The following FHDC1 variants were observed in gnomAD, a reference collection of about 807,000 sequenced individuals.
The protein encoded by FHDC1 is FH2 domain containing 1.
Under a neutral mutation model 52.6 loss-of-function variants are expected in FHDC1, and 25 were observed. The observed-to-expected ratio is 0.48, with a 90% CI of 0.35 to 0.66. The LOEUF (loss-of-function observed/expected upper bound fraction) is 0.66. FHDC1 is among the 30% of genes least tolerant of loss of function. The pLI, the probability that FHDC1 is intolerant of heterozygous loss-of-function variation, is 0.01. For synonymous variants in FHDC1, 616 were observed against 581.5 expected, an observed-to-expected ratio of 1.06 and a Z score of -0.85; for missense variants, 1,459 against 1,452.8, an observed-to-expected ratio of 1.00 and a Z score of -0.07.
the FHDC1 span, among the ~76,000 whole-genome samples, chr4:152,922,664 C>A: frequency 2.6e-5 from 4 of 152,152 alleles, no homozygotes; most frequent in African/African-American, 9.7e-5. Flanking sequence ...CCACCATGAT[C>A]AAGTGGGCCT....
chr4:152,974,543 C>T (rs1740777059), intron 11 of FHDC1, 132 bp from the exon 12 acceptor site: 2 of 1,345,256 alleles, frequency 1.5e-6, no homozygotes, highest in Admixed American at 2.7e-5. Flanking sequence ...CAGCCTCTTT[C>T]TCAGTGTAAG....
At chr4:152,927,826 G>T in the FHDC1 span, 1 of 1,432,010 alleles carries the variant, frequency 7.0e-7, no homozygotes, top group South Asian at 1.1e-5. Flanking sequence ...TTTCTCAAGA[G>T]AACAAGAAGG....
At chr4:152,915,879 T>C in the FHDC1 span, among the ~76,000 whole-genome samples, 1 of 152,196 alleles carries the variant, frequency 6.6e-6, no homozygotes, top group Non-Finnish European at 1.5e-5. Context: ...CAACCTAAAT[T>C]GTGATCAAAT....
In FHDC1 at chr4:152,961,591, C is replaced by T. The variant is rs534303649; in HGVS notation, c.850+747C>T. Among the ~76,000 whole-genome samples, 17 of 152,292 alleles carry T rather than the reference C, an allele frequency of 1.1e-4. No homozygotes were observed. In the South Asian group the frequency reaches 3.3e-3, roughly 30 times the overall value. ...TCTTTTCAGCTCGGGGCCATATTCT[C>T]TGGCCCTCCCTGACCTTCACACTTT... On this transcript the variant is annotated intron_variant, in intron 6 of 11. Coordinates refer to ENST00000511601, the MANE Select transcript of FHDC1 (RefSeq NM_001371116.1).
rs905855615 is a variant in FHDC1 at position 152,979,005 on chromosome 4, T to C, written c.*2282T>C. The stretch of plus-strand genomic sequence containing the variant: ...TCAAGAAGCCTAAGAAGTTATATAT[T>C]TAATCAGGTAGACAAAACAGTTCAA... On this transcript the variant is annotated 3_prime_UTR_variant, in exon 12 of 12. Transcript: ENST00000511601. 6.6e-6 allele frequency: 1 copy of C among 152,194 alleles called. No homozygotes were observed. Among genetic ancestry groups the C allele is most frequent in the African/African-American group, 2.4e-5 (1 of 41,446 alleles). 9.4% of individuals were successfully genotyped at this position (152,194 alleles called of 1,614,324 possible). A position where few individuals can be genotyped will look rare whatever the true frequency, so the allele number is the denominator to read the frequency against.
the FHDC1 span, among the ~76,000 whole-genome samples, chr4:152,925,113 A>G: frequency 1.3e-5 from 2 of 152,140 alleles, no homozygotes; most frequent in Admixed American, 6.5e-5. Context: ...TGCCTTTAAA[A>G]CCAGCTTATT....
In FHDC1 at chr4:152,948,950, A is replaced by T. The variant is rs184668722; in HGVS notation, c.499-4549A>T. Reference sequence around the variant, plus strand: ...CAAAAAACTTAAAAATTAGCCAGACATGGTGGCTCGTGCCTGTAGTCCCCG... The same window carrying T: ...CAAAAAACTTAAAAATTAGCCAGACTTGGTGGCTCGTGCCTGTAGTCCCCG... On this transcript the variant is annotated intron_variant, in intron 2 of 11. Coordinates refer to ENST00000511601, the MANE Select transcript of FHDC1 (RefSeq NM_001371116.1). Among the ~76,000 whole-genome samples, 479 of 152,076 alleles carry T rather than the reference A, an allele frequency of 3.1e-3. 2 individuals carry two copies. The highest frequency in any genetic ancestry group is 0.011 in the African/African-American group (460 of 41,480).
chr4:152,948,983 G>C (rs1465126920), intron 2 of FHDC1, among the ~76,000 whole-genome samples: 2 of 151,862 alleles, frequency 1.3e-5, no homozygotes, highest in Non-Finnish European at 2.9e-5. Context: ...CCGTTACTCG[G>C]GAGGCTGATG....
At chr4:152,911,743 G>A in the FHDC1 span, 2 of 152,462 alleles carry the variant, frequency 1.3e-5, no homozygotes, top group Non-Finnish European at 2.9e-5. Context: ...AATGTAATGT[G>A]ATTGTAAATC....
At chr4:152,927,430 G>A in the FHDC1 span, 95 of 789,928 alleles carry the variant, frequency 1.2e-4, 4 homozygotes, top group South Asian at 1.0e-3. Flanking sequence ...CTATAGTGGC[G>A]ATTGGTTGTT....
chr4:152,971,466 T>C (rs1480767442), intron 10 of FHDC1, among the ~76,000 whole-genome samples: 1 of 152,216 alleles, frequency 6.6e-6, no homozygotes, highest in Non-Finnish European at 1.5e-5. Context: ...CTCCCCATGT[T>C]GTCACTGAAC....
the FHDC1 span, chr4:152,916,937 T>G: frequency 2.0e-5 from 3 of 152,174 alleles, no homozygotes; most frequent in African/African-American, 7.2e-5. Flanking sequence ...AATTGAAGCT[T>G]TTCGAAAAAA....
At chr4:152,956,964 A>G (rs1740105723) in intron 4 of FHDC1, among the ~76,000 whole-genome samples, 1 of 152,052 alleles carries the variant, frequency 6.6e-6, no homozygotes. Flanking sequence ...GTCTCGGGGA[A>G]AGCCGAAGCC....
rs79729012 is a variant in FHDC1 at position 152,975,286 on chromosome 4, A to G, written c.1995A>G (p.Pro665=). The change falls in exon 12 of 12, where the codon CCA becomes CCG. Residue 665 remains proline, a synonymous_variant. Coordinates refer to ENST00000511601, the MANE Select transcript of FHDC1 (RefSeq NM_001371116.1). The part of the protein sequence containing the change: ...LGSAQSPPLS[P]LALGIKEHEL... ...CAGCACAGTCCCCTCCTCTCTCGCC[A>G]TTGGCTCTGGGAATTAAGGAGCATG... 303 of 1,613,600 alleles carry G rather than the reference A, an allele frequency of 1.9e-4. 2 individuals are homozygous for G. The highest frequency in any genetic ancestry group is 1.1e-3 in the Admixed American group (65 of 60,032).
chr4:152,920,060 A>C, the FHDC1 span, among the ~76,000 whole-genome samples: 2 of 140,722 alleles, frequency 1.4e-5, no homozygotes, highest in African/African-American at 5.4e-5. Flanking sequence ...CAGTCCTCCT[A>C]TCTCAGCACC....
At chr4:152,944,474 G>A (rs1007871052) in intron 2 of FHDC1, among the ~76,000 whole-genome samples, 3 of 152,320 alleles carry the variant, frequency 2.0e-5, no homozygotes, top group South Asian at 2.1e-4. Context: ...AAGGAGCAGA[G>A]AAAACAGGTC....
In FHDC1 at chr4:152,975,315, T is replaced by C; in HGVS notation, c.2024T>C (p.Leu675Pro). Reference protein sequence around the residue: ...PLALGIKEHELVTGLAQFNLQ... With the variant: ...PLALGIKEHEPVTGLAQFNLQ... Reference sequence around the variant, plus strand: ...GCTCTGGGAATTAAGGAGCATGAGCTGGTGACAGGGCTGGCCCAGTTCAAC... The same window carrying C: ...GCTCTGGGAATTAAGGAGCATGAGCCGGTGACAGGGCTGGCCCAGTTCAAC... The change falls in exon 12 of 12, where the codon CTG becomes CCG. Residue 675 changes from leucine (L) to proline (P), a missense_variant. Around this residue, in one of 3 missense-constraint regions of FHDC1, gnomAD observed 939 missense variants for 854.5 expected, o/e 1.10. Transcript: ENST00000511601. 1 of 1,613,678 alleles carries C rather than the reference T, an allele frequency of 6.2e-7. No individual in the cohort carries two copies. Among genetic ancestry groups the C allele is most frequent in the Non-Finnish European group, 8.5e-7 (1 of 1,180,032 alleles).
intron 8 of FHDC1, among the ~76,000 whole-genome samples, chr4:152,964,651 G>T (rs1740405989): frequency 6.6e-6 from 1 of 152,224 alleles, no homozygotes; most frequent in African/African-American, 2.4e-5. Flanking sequence ...GGGCCCTGCT[G>T]AGCTGCAGCC....
chr4:152,922,099 T>G, the FHDC1 span, among the ~76,000 whole-genome samples: 1 of 152,240 alleles, frequency 6.6e-6, no homozygotes, highest in Non-Finnish European at 1.5e-5. Context: ...AACAAATTGA[T>G]AGACCACTAG....
Sources: allele counts gnomAD v4.1 joint callset (sites outside exome capture counted in the v4.1 genomes callset), GRCh38; gene constraint gnomAD v4.1.1; regional missense constraint gnomAD v4.1.1; transcripts MANE v1.5; gene names NCBI Gene and HGNC (gene_info 2026-07-23, HGNC 2026-07-21).